CNTN4: variants seen among roughly 807,000 people sequenced by gnomAD.
CNTN4 encodes the protein contactin-4.
CNTN4 carries 77 observed loss-of-function variants against 122.5 expected under a neutral mutation model. The observed-to-expected ratio is 0.63, with a 90% CI of 0.52 to 0.76. CNTN4 has a LOEUF of 0.76. Ranked by LOEUF, CNTN4 falls within the 30% of genes least tolerant of loss-of-function variation. CNTN4 has a pLI of 0.00. For synonymous variants in CNTN4, 512 were observed against 447.0 expected, an observed-to-expected ratio of 1.15 and a Z score of -1.83; for missense variants, 1,256 against 1,259.1, an observed-to-expected ratio of 1.00 and a Z score of 0.04.
chr3:2,134,545 C>T (rs914713879), intron 2 of CNTN4, among the ~76,000 whole-genome samples: 4 of 152,150 alleles, frequency 2.6e-5, no homozygotes, highest in African/African-American at 7.2e-5. Flanking sequence ...TTTATGTCCT[C>T]AGTTTTCTTG....
chr3:2,912,017 A>G (rs897280478), intron 12 of CNTN4, among the ~76,000 whole-genome samples: 6 of 152,178 alleles, frequency 3.9e-5, no homozygotes, highest in African/African-American at 1.4e-4. Context: ...CAGAGAGCCT[A>G]TCTGAAGAAA....
At position 2,887,021 on chromosome 3, in the gene CNTN4, T is replaced by C. The variant is rs2093986834; in HGVS notation, c.756-19T>C. 2 of 1,610,344 alleles carry C rather than the reference T, an allele frequency of 1.2e-6. No homozygotes were observed. The highest frequency in any genetic ancestry group is 1.7e-5 in the Admixed American group (1 of 59,884). The stretch of plus-strand genomic sequence containing the variant: ...AGTTTTCTCTAGTTTGATTCACTCC[T>C]TTTTATTCTTGCTATCAGTCCAGTA... On this transcript the variant is annotated intron_variant, in intron 9 of 24. Coordinates refer to ENST00000418658, the MANE Select transcript of CNTN4 (RefSeq NM_175607.3).
intron 13 of CNTN4, among the ~76,000 whole-genome samples, chr3:2,936,472 C>G (rs756233178): frequency 3.3e-5 from 5 of 152,184 alleles, no homozygotes; most frequent in Non-Finnish European, 5.9e-5. Context: ...GTAGCAGTGG[C>G]TTCCCATTGA....
At position 2,353,815 on chromosome 3, in the gene CNTN4, C is replaced by T. The variant is rs562802742; in HGVS notation, c.-89+14582C>T. Among the ~76,000 whole-genome samples, 55 of 152,122 alleles carry T rather than the reference C, an allele frequency of 3.6e-4. No homozygotes were observed. In the South Asian group the frequency reaches 8.9e-3, roughly 25 times the overall value. On this transcript the variant is annotated intron_variant, in intron 3 of 24. Coordinates refer to ENST00000418658, the MANE Select transcript of CNTN4 (RefSeq NM_175607.3). The stretch of plus-strand genomic sequence containing the variant: ...TCGGGAGGCTGAGGCAGGAGAATGG[C>T]GGGAACCCGGGAGGCGGAGCTTGCA...
At chr3:2,908,640 A>T (rs967356404) in intron 12 of CNTN4, among the ~76,000 whole-genome samples, 8 of 152,168 alleles carry the variant, frequency 5.3e-5, no homozygotes, top group African/African-American at 1.9e-4. Context: ...CATGTTAATC[A>T]CTTCCTAAGC....
At chr3:2,638,118 TCTC>T (rs2150093264) in intron 4 of CNTN4, among the ~76,000 whole-genome samples, 1 of 152,342 alleles carries the variant, frequency 6.6e-6, no homozygotes, top group Non-Finnish European at 1.5e-5. Context: ...TAATTATTGT[TCTC>T]CTCTTGCTTG....
intron 6 of CNTN4, among the ~76,000 whole-genome samples, chr3:2,770,263 C>T (rs1490221305): frequency 1.3e-5 from 2 of 152,106 alleles, no homozygotes; most frequent in African/African-American, 2.4e-5. Context: ...CTCCTGACCT[C>T]GTGATCCGCC....
At chr3:2,710,688 C>T (rs1458546611) in intron 4 of CNTN4, among the ~76,000 whole-genome samples, 2 of 152,052 alleles carry the variant, frequency 1.3e-5, no homozygotes, top group Non-Finnish European at 2.9e-5. Context: ...TAATTAAATG[C>T]TTCACTTCTT....
At chr3:2,356,210 C>T (rs2044865887) in intron 3 of CNTN4, among the ~76,000 whole-genome samples, 1 of 152,060 alleles carries the variant, frequency 6.6e-6, no homozygotes, top group South Asian at 2.1e-4. Context: ...GAGAAGAGTC[C>T]ATAAAGTGAA....
At chr3:2,201,836 A>G (rs2038108599) in intron 2 of CNTN4, among the ~76,000 whole-genome samples, 1 of 152,206 alleles carries the variant, frequency 6.6e-6, no homozygotes, top group Non-Finnish European at 1.5e-5. Context: ...AGATTTTATC[A>G]GATAGACAGT....
chr3:2,795,172 A>T (rs1456597813), intron 6 of CNTN4, among the ~76,000 whole-genome samples: 2 of 152,240 alleles, frequency 1.3e-5, no homozygotes, highest in African/African-American at 4.8e-5. Flanking sequence ...TATTTAAATG[A>T]TTAAATAACC....
At chr3:3,049,542 A>T (rs1222114332) in intron 23 of CNTN4, among the ~76,000 whole-genome samples, 1 of 152,234 alleles carries the variant, frequency 6.6e-6, no homozygotes, top group Non-Finnish European at 1.5e-5. Context: ...TGAGTTCTAC[A>T]TTTAGCCACT....
intron 4 of CNTN4, among the ~76,000 whole-genome samples, chr3:2,675,614 C>T (rs1004478445): frequency 6.6e-5 from 10 of 152,158 alleles, no homozygotes; most frequent in Admixed American, 2.6e-4. Flanking sequence ...GTGTGTCCAG[C>T]TCTTAGAAAA....
chr3:2,910,249 T>C (rs143671919), intron 12 of CNTN4, among the ~76,000 whole-genome samples: 2 of 152,304 alleles, frequency 1.3e-5, no homozygotes, highest in African/African-American at 4.8e-5. Context: ...CTTACATCAA[T>C]TCCCCCAAAG....
At chr3:2,872,835 A>G (rs114766953) in intron 8 of CNTN4, among the ~76,000 whole-genome samples, 158 of 152,246 alleles carry the variant, frequency 1.0e-3, no homozygotes, top group African/African-American at 3.6e-3. Context: ...CTAAATGTTT[A>G]TTATACTTCA....
chr3:2,680,386 A>G (rs950103524), intron 4 of CNTN4, among the ~76,000 whole-genome samples: 5 of 152,198 alleles, frequency 3.3e-5, no homozygotes, highest in African/African-American at 1.2e-4. Context: ...TGATGTTAGC[A>G]AATTGTCAAA....
chr3:2,872,442 TGGTTTGGAA>T (rs944216189), intron 8 of CNTN4, among the ~76,000 whole-genome samples: 3 of 152,130 alleles, frequency 2.0e-5, no homozygotes, highest in Non-Finnish European at 4.4e-5. Flanking sequence ...GGTTGGGGAC[TGGTTTGGAA>T]GGTTTGGAAG....
chr3:2,105,209 CA>C (rs1203071416), intron 2 of CNTN4, among the ~76,000 whole-genome samples: 1 of 152,042 alleles, frequency 6.6e-6, no homozygotes, highest in Non-Finnish European at 1.5e-5. Flanking sequence ...GTCTTAACAC[CA>C]AAAAGAGAAC....
intron 6 of CNTN4, among the ~76,000 whole-genome samples, chr3:2,785,912 C>G (rs994583459): frequency 7.3e-6 from 1 of 136,120 alleles, no homozygotes; most frequent in Non-Finnish European, 1.6e-5. Context: ...CCCGCCCCCC[C>G]ATCCTGTACC....
Sources: gnomAD v4.1 joint callset for allele counts (sites outside exome capture counted in the v4.1 genomes callset) on GRCh38, gnomAD v4.1.1 for gene constraint, MANE v1.5 for transcripts, NCBI Gene and HGNC (gene_info 2026-07-23, HGNC 2026-07-21) for gene names.